The following DCC variants were observed in gnomAD, a reference collection of about 807,000 sequenced individuals.
DCC encodes netrin receptor DCC.
Under a neutral mutation model 172.5 loss-of-function variants are expected in DCC, and 58 were observed. That is an observed-to-expected ratio of 0.34 (90% CI 0.27 to 0.42). DCC has a LOEUF of 0.42. Among genes scored for constraint, DCC ranks in the 10% least tolerant of loss-of-function variants. The pLI, the probability that DCC is intolerant of heterozygous loss-of-function variation, is 1.00. For synonymous variants in DCC, 709 were observed against 644.5 expected (o/e 1.10, Z -1.52); for missense variants, 1,740 against 1,791.0 (o/e 0.97, Z 0.51).
intron 1 of DCC, among the ~76,000 whole-genome samples, chr18:52,360,253 C>G (rs1984560347): frequency 6.6e-6 from 1 of 152,186 alleles, no homozygotes; most frequent in Non-Finnish European, 1.5e-5. Flanking sequence ...TCAAATGTCA[C>G]AGTTTTCACT....
At chr18:52,926,013 C>G (rs2040196638) in intron 5 of DCC, among the ~76,000 whole-genome samples, 1 of 151,818 alleles carries the variant, frequency 6.6e-6, no homozygotes, top group South Asian at 2.1e-4. Context: ...ATCACTTACT[C>G]CAGATTTATT....
chr18:53,517,420 C>T (rs2046347508), intron 27 of DCC, among the ~76,000 whole-genome samples: 1 of 149,086 alleles, frequency 6.7e-6, no homozygotes, highest in Non-Finnish European at 1.5e-5. Flanking sequence ...GCACAATGTG[C>T]ACATGTACCC....
chr18:52,893,907 T>TAA (rs5824973), intron 2 of DCC, among the ~76,000 whole-genome samples: 2,630 of 151,736 alleles, frequency 0.017, 55 homozygotes, highest in African/African-American at 0.046. Context: ...TAATACAATT[T>TAA]AAAAAAAACA....
chr18:52,498,667 T>C (rs535454694), intron 1 of DCC, among the ~76,000 whole-genome samples: 2 of 152,048 alleles, frequency 1.3e-5, no homozygotes, highest in South Asian at 2.1e-4. Flanking sequence ...ATAATGAATA[T>C]ATATTTTTTC....
At chr18:53,113,678 T>A (rs999629262) in intron 7 of DCC, among the ~76,000 whole-genome samples, 29 of 148,200 alleles carry the variant, frequency 2.0e-4, no homozygotes, top group Admixed American at 2.0e-4. Context: ...TTCAGAATTA[T>A]TAAAGCAAAA....
chr18:52,429,710 C>T (rs138395742), intron 1 of DCC, among the ~76,000 whole-genome samples: 184 of 152,294 alleles, frequency 1.2e-3, no homozygotes, highest in Middle Eastern at 6.8e-3. Flanking sequence ...GAATAACACT[C>T]ATCCAAACAA....
At chr18:52,813,433 G>A (rs2038235966) in intron 2 of DCC, among the ~76,000 whole-genome samples, 1 of 152,188 alleles carries the variant, frequency 6.6e-6, no homozygotes, top group Admixed American at 6.5e-5. Flanking sequence ...TGTATGCAAA[G>A]TGGGTCTCAT....
chr18:52,453,418 A>G (rs976827103), intron 1 of DCC, among the ~76,000 whole-genome samples: 1 of 152,164 alleles, frequency 6.6e-6, no homozygotes, highest in Non-Finnish European at 1.5e-5. Flanking sequence ...CTCAATCATC[A>G]CGCAGGTTGC....
At chr18:53,069,143 T>C (rs1368588151) in intron 7 of DCC, among the ~76,000 whole-genome samples, 1 of 152,072 alleles carries the variant, frequency 6.6e-6, no homozygotes, top group Non-Finnish European at 1.5e-5. Context: ...AATGGCAGGA[T>C]TTATGGTAAG....
At chr18:53,233,367 A>C (rs900329348) in intron 12 of DCC, among the ~76,000 whole-genome samples, 1 of 152,220 alleles carries the variant, frequency 6.6e-6, no homozygotes, top group East Asian at 1.9e-4. Context: ...CAAAAGGTCA[A>C]GTAATATGCA....
At chr18:53,142,831 A>C (rs1171046579) in intron 7 of DCC, among the ~76,000 whole-genome samples, 1 of 152,182 alleles carries the variant, frequency 6.6e-6, no homozygotes, top group African/African-American at 2.4e-5. Flanking sequence ...AATCCAATCA[A>C]GGGAACCTCC....
intron 27 of DCC, among the ~76,000 whole-genome samples, chr18:53,501,810 A>G (rs574440769): frequency 1.3e-5 from 2 of 152,344 alleles, no homozygotes; most frequent in South Asian, 2.1e-4. Context: ...AAGTGCTACA[A>G]TAACAAAAGG....
At chr18:52,762,766 T>G (rs2070290190) in intron 2 of DCC, among the ~76,000 whole-genome samples, 1 of 152,080 alleles carries the variant, frequency 6.6e-6, no homozygotes, top group African/African-American at 2.4e-5. Flanking sequence ...GAGGCTGCAA[T>G]GATCTATGAT....
intron 2 of DCC, among the ~76,000 whole-genome samples, chr18:52,757,503 C>A (rs771925703): frequency 1.1e-4 from 16 of 152,084 alleles, no homozygotes; most frequent in Non-Finnish European, 2.1e-4. Flanking sequence ...ACCTACCCAC[C>A]CACACAGCTC....
intron 2 of DCC, among the ~76,000 whole-genome samples, chr18:52,840,662 C>T (rs968250486): frequency 1.1e-4 from 16 of 152,132 alleles, no homozygotes; most frequent in Non-Finnish European, 1.9e-4. Flanking sequence ...AAACTGCTCA[C>T]GCAGGGCCTA....
At chr18:52,458,936 C>G (rs1202776164) in intron 1 of DCC, among the ~76,000 whole-genome samples, 2 of 152,116 alleles carry the variant, frequency 1.3e-5, no homozygotes, top group African/African-American at 2.4e-5. Flanking sequence ...TCGCTTGAGC[C>G]TGAAACATGG....
intron 2 of DCC, chr18:52,758,886 G>C (rs948073339): frequency 2.0e-5 from 3 of 152,032 alleles, no homozygotes; most frequent in African/African-American, 7.2e-5. Flanking sequence ...AATTCTATTT[G>C]GGAAGGTTTG....
intron 2 of DCC, among the ~76,000 whole-genome samples, chr18:52,773,324 GAGTA>G (rs1415482850): frequency 6.6e-6 from 1 of 152,100 alleles, no homozygotes; most frequent in Non-Finnish European, 1.5e-5. Flanking sequence ...TCTGAACATT[GAGTA>G]AGTTAGTAGC....
At chr18:53,442,817 A>G (rs1216207498) in intron 22 of DCC, among the ~76,000 whole-genome samples, 1 of 152,222 alleles carries the variant, frequency 6.6e-6, no homozygotes, top group East Asian at 1.9e-4. Flanking sequence ...GCTGACATGA[A>G]GAAAGTTTTT....
Sources: allele counts gnomAD v4.1 joint callset (sites outside exome capture counted in the v4.1 genomes callset), GRCh38; gene constraint gnomAD v4.1.1; transcripts MANE v1.5; gene names NCBI Gene and HGNC (gene_info 2026-07-23, HGNC 2026-07-21).